The following RTL9 variants were observed in gnomAD, a reference collection of about 807,000 sequenced individuals.
The protein encoded by RTL9 is retrotransposon Gag-like protein 9.
A neutral mutation model predicts 44.7 loss-of-function variants in RTL9; 19 were observed. The ratio of observed to expected loss-of-function variants is 0.42; its 90% confidence interval spans 0.30 to 0.62. RTL9 has a LOEUF of 0.62. Ranked by LOEUF, RTL9 falls within the 20% of genes least tolerant of loss-of-function variation. The pLI, the probability that RTL9 is intolerant of heterozygous loss-of-function variation, is 0.16. For synonymous variants in RTL9, 407 were observed against 398.9 expected, an observed-to-expected ratio of 1.02 and a Z score of -0.24; for missense variants, 1,105 against 1,080.6, an observed-to-expected ratio of 1.02 and a Z score of -0.32.
intron 1 of RTL9, among the ~76,000 whole-genome samples, chrX:110,419,584 G>A (rs764114555): frequency 8.9e-6 from 1 of 112,688 alleles, no homozygotes; most frequent in African/African-American, 3.2e-5. Context: ...ACTCAGCAAT[G>A]TGTCCCTCTC....
At chrX:110,381,839 T>C (rs1048252634) in intron 1 of RTL9, among the ~76,000 whole-genome samples, 3 of 110,800 alleles carry the variant, frequency 2.7e-5, no homozygotes, top group Non-Finnish European at 5.7e-5. Context: ...TATTCTCACT[T>C]ATAAGTGGGA....
intron 1 of RTL9, among the ~76,000 whole-genome samples, chrX:110,407,062 C>T (rs1025561567): frequency 2.7e-5 from 3 of 111,519 alleles, no homozygotes; most frequent in African/African-American, 6.5e-5. Context: ...ATTGCGCAAA[C>T]GCTGCTTTAG....
chrX:110,397,831 C>T (rs1435819204), intron 1 of RTL9, among the ~76,000 whole-genome samples: 3 of 111,475 alleles, frequency 2.7e-5, no homozygotes, highest in Non-Finnish European at 5.7e-5. Flanking sequence ...CTGGGGACAG[C>T]ACAGATCTCC....
At chrX:110,451,864 T>C in exon 1 of RTL9, 1 of 1,212,035 alleles carries the variant, frequency 8.3e-7, no homozygotes, top group Non-Finnish European at 1.1e-6. Context: ...ACACCGCTAA[T>C]GGGAGCCCCA....
chrX:110,378,307 C>G (rs1245652961), intron 1 of RTL9, among the ~76,000 whole-genome samples: 2 of 111,071 alleles, frequency 1.8e-5, no homozygotes, highest in Non-Finnish European at 3.8e-5. Flanking sequence ...CACTCCATCC[C>G]TTGGGGCAGT....
chrX:110,452,088 G>A (rs1422725871), exon 1 of RTL9: 2 of 1,211,763 alleles, frequency 1.7e-6, no homozygotes, highest in Non-Finnish European at 2.2e-6. Context: ...ATACAAGAGA[G>A]CCACAGCCTC....
intron 1 of RTL9, among the ~76,000 whole-genome samples, chrX:110,363,960 G>A (rs1046324065): frequency 1.8e-5 from 2 of 111,874 alleles, no homozygotes; most frequent in African/African-American, 6.5e-5. Context: ...CGGAATGAGT[G>A]GTATATTAGT....
chrX:110,403,228 A>T (rs1342728478), intron 1 of RTL9, among the ~76,000 whole-genome samples: 1 of 111,936 alleles, frequency 8.9e-6, no homozygotes, highest in African/African-American at 3.3e-5. Flanking sequence ...CACATTGCAA[A>T]CCTCACAGAG....
intron 1 of RTL9, among the ~76,000 whole-genome samples, chrX:110,442,221 T>TTCTCTCTCTCTCTCTCTCTC (rs781098261): frequency 2.7e-5 from 2 of 72,787 alleles, no homozygotes; most frequent in African/African-American, 1.3e-4. Flanking sequence ...ATCGAAGTCT[T>TTCTCTCTCTCTCTCTCTCTC]TCTCTCTCTC....
intron 1 of RTL9, among the ~76,000 whole-genome samples, chrX:110,382,102 C>G (rs1261948025): frequency 8.9e-6 from 1 of 111,847 alleles, no homozygotes; most frequent in Non-Finnish European, 1.9e-5. Context: ...AAAATTCTTT[C>G]CTAAGAATTC....
At chrX:110,423,464 C>T (rs1298317027) in intron 1 of RTL9, among the ~76,000 whole-genome samples, 1 of 112,129 alleles carries the variant, frequency 8.9e-6, no homozygotes, top group Non-Finnish European at 1.9e-5. Context: ...GTTAATTGCT[C>T]AGCCTGAGAG....
At chrX:110,407,289 T>C (rs1300217726) in intron 1 of RTL9, among the ~76,000 whole-genome samples, 1 of 111,854 alleles carries the variant, frequency 8.9e-6, no homozygotes, top group African/African-American at 3.3e-5. Flanking sequence ...GTCCTTGAGA[T>C]TTTACCAGCT....
chrX:110,431,604 A>C (rs1386830826), intron 1 of RTL9, among the ~76,000 whole-genome samples: 1 of 111,179 alleles, frequency 9.0e-6, no homozygotes, highest in Non-Finnish European at 1.9e-5. Context: ...TGACAGTTAA[A>C]AGGTTGATGG....
intron 1 of RTL9, among the ~76,000 whole-genome samples, chrX:110,360,849 A>G (rs2068258380): frequency 9.0e-6 from 1 of 111,572 alleles, no homozygotes; most frequent in Non-Finnish European, 1.9e-5. Flanking sequence ...GAGAGACATT[A>G]TACAGGAAGA....
At chrX:110,382,801 T>C (rs1480187653) in intron 1 of RTL9, among the ~76,000 whole-genome samples, 1 of 112,205 alleles carries the variant, frequency 8.9e-6, no homozygotes, top group Non-Finnish European at 1.9e-5. Flanking sequence ...GCCACTGTGT[T>C]AATTAAATTC....
intron 1 of RTL9, among the ~76,000 whole-genome samples, chrX:110,420,631 CT>C (rs2068710449): frequency 8.9e-6 from 1 of 112,080 alleles, no homozygotes; most frequent in African/African-American, 3.2e-5. Flanking sequence ...ATCTCAAATC[CT>C]TTGCAGAATG....
chrX:110,367,973 AATTATTATTATT>A (rs201193443), intron 1 of RTL9, among the ~76,000 whole-genome samples: 58 of 85,325 alleles, frequency 6.8e-4, no homozygotes, highest in South Asian at 4.4e-3. Flanking sequence ...AGTGCTGGCT[AATTATTATTATT>A]ATTATTATTA....
intron 1 of RTL9, among the ~76,000 whole-genome samples, chrX:110,437,636 A>G (rs2068848516): frequency 9.0e-6 from 1 of 111,496 alleles, no homozygotes; most frequent in Admixed American, 9.4e-5. Flanking sequence ...AGCTCTTGGT[A>G]AATGAAGTGA....
intron 1 of RTL9, among the ~76,000 whole-genome samples, chrX:110,442,530 T>A (rs1245078333): frequency 9.0e-6 from 1 of 111,087 alleles, no homozygotes; most frequent in Non-Finnish European, 1.9e-5. Context: ...TATATCTTGT[T>A]TTTTCCTTGA....
Sources: gnomAD v4.1 joint callset for allele counts (sites outside exome capture counted in the v4.1 genomes callset) on GRCh38, gnomAD v4.1.1 for gene constraint, MANE v1.5 for transcripts, NCBI Gene and HGNC (gene_info 2026-07-23, HGNC 2026-07-21) for gene names.